ARID3A: variants seen among roughly 807,000 people sequenced by gnomAD.
ARID3A encodes AT-rich interactive domain-containing protein 3A.
A neutral mutation model predicts 52.7 loss-of-function variants in ARID3A; 11 were observed. The observed-to-expected ratio is 0.21, with a 90% confidence interval of 0.13 to 0.35. ARID3A has a LOEUF of 0.35. Ranked by LOEUF, ARID3A falls within the 10% of genes least tolerant of loss-of-function variation. The probability of loss-of-function intolerance (pLI) is 1.00; values close to 1 mark genes in which losing one functional copy is unlikely to be tolerated. For missense variants in ARID3A, 721 were observed against 838.5 expected, an observed-to-expected ratio of 0.86 and a Z score of 1.73; for synonymous variants, 404 against 359.4, an observed-to-expected ratio of 1.12 and a Z score of -1.40.
In ARID3A at chr19:932,760, G is replaced by A. The variant is rs1007845133; in HGVS notation, c.693+18G>A. ...TTAAGCAGGTGAGTGGGCGCGTCCC[G>A]CGTGGCGGCTGAGGCACCTGCTCCT... On this transcript the variant is annotated intron_variant, in intron 3 of 8. Transcript: ENST00000263620. 1.3e-5 allele frequency: 20 copies of A among 1,546,346 alleles called. No homozygotes were observed. Among genetic ancestry groups the A allele is most frequent in the African/African-American group, 4.1e-5 (3 of 72,892 alleles).
intron 3 of ARID3A, among the ~76,000 whole-genome samples, chr19:934,671 C>G (rs973761281): frequency 6.6e-6 from 1 of 152,098 alleles, no homozygotes; most frequent in Non-Finnish European, 1.5e-5. Context: ...CCGGGTGCCG[C>G]CTCTGGGTCT....
chr19:964,983 C>T lies in ARID3A; in HGVS notation c.1101C>T (p.His367=), dbSNP rs149321378. 126 of 1,613,802 alleles carry T rather than the reference C, an allele frequency of 7.8e-5. 1 individual carries two copies. The highest frequency in any genetic ancestry group is 5.9e-4 in the African/African-American group (44 of 75,026). ...TTGCCTACTCGCCAGGCGGGGCACA[C>T]GGCATGCTCTCCTCACCCAAGCTAC... The part of the protein sequence containing the change: ...SLFAYSPGGA[H]GMLSSPKLPV... The change falls in exon 6 of 9, where the codon CAC becomes CAT. Residue 367 remains histidine (H), a synonymous_variant. Transcript: ENST00000263620. This position sits in a 1 kb window ranked among gnomAD's most constrained non-coding sequence, Gnocchi z 5.7.
At position 964,024 on chromosome 19, in the gene ARID3A, G is replaced by A. The variant is rs540626251; in HGVS notation, c.767-224G>A. On this transcript the variant is annotated intron_variant, in intron 4 of 8. Transcript: ENST00000263620. The surrounding 1 kb of genome is among the most constrained non-coding windows in gnomAD (Gnocchi z 5.7). ...TGTCCCTAAGCCCAGGTTACTGGTG[G>A]ATAAACCGAGGCAGAGCTGCCCCCT... Among the ~76,000 whole-genome samples, 5 of 152,324 alleles carry A rather than the reference G, an allele frequency of 3.3e-5. No individual in the cohort carries two copies. The East Asian group carries it at 9.6e-4, about 29-fold the overall frequency.
chr19:930,028 C>G, intron 2 of ARID3A, 132 bp downstream of exon 2: 4 of 1,330,872 alleles, frequency 3.0e-6, no homozygotes, highest in Non-Finnish European at 4.0e-6. Flanking sequence ...GTTTGAGAGG[C>G]CGACGTGGGA....
chr19:950,971 C>T (rs2037793164), intron 3 of ARID3A, among the ~76,000 whole-genome samples: 1 of 151,994 alleles, frequency 6.6e-6, no homozygotes, highest in African/African-American at 2.4e-5. Context: ...TACGGGCATG[C>T]ACCACCACGC....
chr19:971,156 T>C (rs1199982748), intron 8 of ARID3A, among the ~76,000 whole-genome samples: 2 of 152,278 alleles, frequency 1.3e-5, no homozygotes, highest in East Asian at 1.9e-4. Flanking sequence ...TGCACATGTG[T>C]GTGATGAAGG....
chr19:959,458 G>A lies in ARID3A; in HGVS notation c.694-634G>A, dbSNP rs947657585. Among the ~76,000 whole-genome samples, 4 of 152,184 alleles carry A rather than the reference G, an allele frequency of 2.6e-5. No individual in the cohort carries two copies. The highest frequency in any genetic ancestry group is 2.1e-4 in the South Asian group (1 of 4,826). ...CTGGGTAACTTTTTGTTATCATAAT[G>A]TAGAGATGGGGTCTCACTATGTTGC... On this transcript the variant is annotated intron_variant, in intron 3 of 8. Transcript: ENST00000263620. This position sits in a 1 kb window ranked among gnomAD's most constrained non-coding sequence, Gnocchi z 5.0.
At chr19:935,488 T>C (rs1034296200) in intron 3 of ARID3A, among the ~76,000 whole-genome samples, 4 of 152,166 alleles carry the variant, frequency 2.6e-5, no homozygotes, top group Admixed American at 1.3e-4. Context: ...TGGATTATTA[T>C]TATTTTTGAG....
intron 8 of ARID3A, among the ~76,000 whole-genome samples, chr19:970,498 C>CTTT (rs1177419405): frequency 2.3e-4 from 20 of 88,342 alleles, no homozygotes; most frequent in Non-Finnish European, 3.0e-4. Flanking sequence ...AATAGTTTTT[C>CTTT]TTTTTTTTTT....
rs1427735964 is a variant in ARID3A, at chr19:973,107, T to C, written c.*1042T>C. Reference sequence around the variant, plus strand: ...CTCTCGAGTCAGGGGCCTGGAAATTTTTTTTTTTTTTTTTTTTTGAGACGG... The same window carrying C: ...CTCTCGAGTCAGGGGCCTGGAAATTCTTTTTTTTTTTTTTTTTTGAGACGG... On this transcript the variant is annotated 3_prime_UTR_variant, in exon 9 of 9. Transcript: ENST00000263620. The C allele has an allele frequency of 6.2e-5, 7 of 113,122 alleles. No homozygotes were observed. Among genetic ancestry groups the C allele is most frequent in the South Asian group, 3.4e-4 (1 of 2,902 alleles). The allele number at this position is 113,122 out of a possible 1,614,324, so 7.0% of individuals were successfully genotyped here.
Position 953,358 on chromosome 19 carries a change from C to T in ARID3A, c.694-6734C>T, listed in dbSNP as rs565341663. ...GGTTATCTCACTTTTTCCTCCCCTC[C>T]CCCACCGGCGCCACCACCCGAGCCC... is the stretch of plus-strand genomic sequence containing the variant. On this transcript the variant is annotated intron_variant, in intron 3 of 8. Coordinates refer to ENST00000263620, the MANE Select transcript of ARID3A (RefSeq NM_005224.3). Among the ~76,000 whole-genome samples, 185 of 152,150 alleles carry T rather than the reference C, an allele frequency of 1.2e-3. 1 individual carries two copies. Among genetic ancestry groups the T allele is most frequent in the African/African-American group, 4.3e-3 (179 of 41,498 alleles).
chr19:967,802 T>C (rs533245569), intron 7 of ARID3A, among the ~76,000 whole-genome samples: 1 of 152,266 alleles, frequency 6.6e-6, no homozygotes, highest in South Asian at 2.1e-4. Context: ...CCCAGCACTT[T>C]GGGAGGCCGA....
chr19:936,951 C>T (rs1414984638), intron 3 of ARID3A, among the ~76,000 whole-genome samples: 1 of 152,110 alleles, frequency 6.6e-6, no homozygotes, highest in Non-Finnish European at 1.5e-5. Context: ...TGTGGATTGG[C>T]CTGTTCTGGA....
rs558545462 is a variant in ARID3A, at chr19:974,997, G to A, written c.*2932G>A. The A allele has an allele frequency of 1.3e-5, 3 of 232,346 alleles. No homozygotes were observed. Among genetic ancestry groups the A allele is most frequent in the East Asian group, 1.2e-4 (2 of 16,492 alleles). The allele number at this position is 232,346 out of a possible 1,614,324, so 14.4% of individuals were successfully genotyped here. On this transcript the variant is annotated 3_prime_UTR_variant, in exon 9 of 9. Transcript: ENST00000263620. ...CTATGGGGCCCGGTCCTGGATACTC[G>A]GCAGGAAGCCGTGTCTGCAGAGGCT...
chr19:930,576 C>A (rs1233226065), intron 2 of ARID3A, among the ~76,000 whole-genome samples: 1 of 147,560 alleles, frequency 6.8e-6, no homozygotes, highest in Non-Finnish European at 1.5e-5. Flanking sequence ...GTGGCGTGAT[C>A]TCAGCTCACT....
At chr19:952,110 C>T (rs555393938) in intron 3 of ARID3A, among the ~76,000 whole-genome samples, 1 of 151,898 alleles carries the variant, frequency 6.6e-6, no homozygotes, top group East Asian at 1.9e-4. Flanking sequence ...CACTGTACTC[C>T]AGCCTGAGCG....
In ARID3A at chr19:942,506, A is replaced by G. The variant is rs1568361281; in HGVS notation, c.693+9764A>G. ...CGCTCTGCCGGCTGCACATGGCCAG[A>G]GGACAATTGGGGGTCACAGGGTTAA... On this transcript the variant is annotated intron_variant, in intron 3 of 8. Coordinates refer to ENST00000263620, the MANE Select transcript of ARID3A (RefSeq NM_005224.3). The surrounding 1 kb of genome is among the most constrained non-coding windows in gnomAD (Gnocchi z 8.1). Among the ~76,000 whole-genome samples, 1 of 152,204 alleles carries G rather than the reference A, an allele frequency of 6.6e-6. No homozygotes were observed. The highest frequency in any genetic ancestry group is 1.9e-4 in the East Asian group (1 of 5,194).
chr19:950,384 T>C (rs1683572), intron 3 of ARID3A, among the ~76,000 whole-genome samples: 42,844 of 53,080 alleles, frequency 0.81, 17,722 homozygotes, highest in Middle Eastern at 0.96. Context: ...CCAGAGGGAA[T>C]GGATGGATGA....
rs777228150 is a variant in ARID3A, at chr19:964,942, T to G, written c.1060T>G (p.Phe354Val). ...CCGACGGGAGGGCCGGCGCCAGAGCTTTGGTGGCTCCCTCTTTGCCTACTC... is the reference window on the plus strand; with the variant it reads ...CCGACGGGAGGGCCGGCGCCAGAGCGTTGGTGGCTCCCTCTTTGCCTACTC... Reference protein sequence around the residue: ...SNRREGRRQSFGGSLFAYSPG... With the variant: ...SNRREGRRQSVGGSLFAYSPG... Residue 354 changes from phenylalanine to valine, a missense_variant, in exon 6 of 9, where the codon TTT (phenylalanine) becomes GTT (valine). Phe to Val is a conservative substitution (Grantham distance 50). Transcript: ENST00000263620. The surrounding 1 kb of genome is among the most constrained non-coding windows in gnomAD (Gnocchi z 5.7). The G allele has an allele frequency of 7.4e-6, 12 of 1,613,932 alleles. No individual in the cohort carries two copies. Among genetic ancestry groups the G allele is most frequent in the African/African-American group, 1.3e-5 (1 of 75,022 alleles).
Sources: gnomAD v4.1 joint callset for allele counts (sites outside exome capture counted in the v4.1 genomes callset) on GRCh38, gnomAD v4.1.1 for gene constraint, Gnocchi (gnomAD v3.1) non-coding constraint, MANE v1.5 for transcripts, NCBI Gene and HGNC (gene_info 2026-07-23, HGNC 2026-07-21) for gene names.